Variants in DDX4 observed in about 807,000 individuals in gnomAD.
The protein encoded by DDX4 is probable ATP-dependent RNA helicase DDX4.
DDX4 carries 25 observed loss-of-function variants against 100.0 expected under a neutral mutation model. That is an observed-to-expected ratio of 0.25 (90% CI 0.18 to 0.35). The LOEUF is 0.35. Among genes scored for constraint, DDX4 ranks in the 10% least tolerant of loss-of-function variants. The pLI is 1.00. For synonymous variants in DDX4, 259 were observed against 275.7 expected (o/e 0.94, Z 0.60); for missense variants, 635 against 882.4 (o/e 0.72, Z 3.55).
chr5:55,806,013 G>A (rs1031100545), intron 18 of DDX4, among the ~76,000 whole-genome samples: 9 of 152,102 alleles, frequency 5.9e-5, no homozygotes, highest in African/African-American at 1.4e-4. Context: ...CCTGTTATTC[G>A]TCTATTCAGA....
chr5:55,754,091 C>CT (rs1304560823), intron 3 of DDX4, among the ~76,000 whole-genome samples: 1 of 147,052 alleles, frequency 6.8e-6, no homozygotes, highest in Non-Finnish European at 1.5e-5. Context: ...ATGGGGTTTT[C>CT]TAGATATACA....
intron 3 of DDX4, among the ~76,000 whole-genome samples, chr5:55,752,349 A>T (rs1759619035): frequency 8.9e-6 from 1 of 112,308 alleles, no homozygotes; most frequent in Non-Finnish European, 1.8e-5. Context: ...CCACCCCACA[A>T]CAGTCCCCAG....
chr5:55,783,633 A>AGATGGATGGATGGATGGATG (rs59794903), intron 10 of DDX4, among the ~76,000 whole-genome samples: 5 of 146,756 alleles, frequency 3.4e-5, no homozygotes, highest in African/African-American at 1.3e-4. Context: ...AGGAGGGAGG[A>AGATGGATGGATGGATGGATG]GATGGATGGA....
At chr5:55,784,263 T>C (rs559553229) in intron 10 of DDX4, among the ~76,000 whole-genome samples, 1 of 152,270 alleles carries the variant, frequency 6.6e-6, no homozygotes, top group African/African-American at 2.4e-5. Context: ...CCTGGAGTTC[T>C]GATGTCCAAG....
intron 13 of DDX4, 76 bp from the exon 14 acceptor site, chr5:55,786,442 C>A: frequency 8.4e-7 from 1 of 1,190,550 alleles, no homozygotes; most frequent in South Asian, 1.7e-5. Flanking sequence ...TGGAAAGTAG[C>A]TCGAATGAAA....
intron 3 of DDX4, among the ~76,000 whole-genome samples, chr5:55,758,980 C>T (rs1476523906): frequency 2.0e-5 from 3 of 149,820 alleles, no homozygotes; most frequent in Admixed American, 2.0e-4. Context: ...CCTTGAATTC[C>T]TGGGCTCAAG....
intron 3 of DDX4, among the ~76,000 whole-genome samples, chr5:55,748,730 TAAAA>T (rs200291665): frequency 6.6e-6 from 1 of 151,672 alleles, no homozygotes; most frequent in Non-Finnish European, 1.5e-5. Context: ...CTTATTGTTT[TAAAA>T]AAAAGGAAAA....
intron 13 of DDX4, 119 bp from the exon 14 acceptor site, chr5:55,786,399 C>G: frequency 2.1e-5 from 14 of 662,132 alleles, no homozygotes; most frequent in Non-Finnish European, 3.5e-5. Context: ...TTACTAAAGT[C>G]ACTTTAGTAT....
chr5:55,780,314 C>A (rs1224489319), intron 8 of DDX4, among the ~76,000 whole-genome samples: 1 of 152,076 alleles, frequency 6.6e-6, no homozygotes, highest in Admixed American at 6.5e-5. Flanking sequence ...ATATTACATA[C>A]TGTTCATTGT....
At chr5:55,814,674 T>C (rs550438778) in intron 19 of DDX4, among the ~76,000 whole-genome samples, 3 of 152,278 alleles carry the variant, frequency 2.0e-5, no homozygotes, top group African/African-American at 7.2e-5. Flanking sequence ...GTATCTTTAA[T>C]AGAGATGGTG....
At chr5:55,799,375 T>C (rs1461352849) in intron 18 of DDX4, among the ~76,000 whole-genome samples, 1 of 152,132 alleles carries the variant, frequency 6.6e-6, no homozygotes, top group African/African-American at 2.4e-5. Context: ...ATTTTACTTT[T>C]TATTATTTTT....
chr5:55,742,193 A>G (rs541998911), intron 2 of DDX4: 6 of 456,294 alleles, frequency 1.3e-5, no homozygotes, highest in South Asian at 9.3e-5. Context: ...AATCTCAACC[A>G]TTAGGCATTT....
chr5:55,767,064 A>G (rs1048975435), intron 6 of DDX4: 25 of 1,417,300 alleles, frequency 1.8e-5, no homozygotes, highest in Middle Eastern at 3.6e-4. Flanking sequence ...AGAAGCTAGG[A>G]TATCCCCAAA....
At chr5:55,770,427 A>T (rs1741187877) in intron 7 of DDX4, among the ~76,000 whole-genome samples, 1 of 152,188 alleles carries the variant, frequency 6.6e-6, no homozygotes, top group African/African-American at 2.4e-5. Context: ...ATTTGAGATG[A>T]GATTGTATCA....
At position 55,816,834 on chromosome 5, in the gene DDX4, C is replaced by G; in HGVS notation, c.*294C>G. 1 of 309,438 alleles carries G rather than the reference C, an allele frequency of 3.2e-6. No individual in the cohort carries two copies. Among genetic ancestry groups the G allele is most frequent in the South Asian group, 8.4e-5 (1 of 11,896 alleles). The allele number at this position is 309,438 out of a possible 1,614,324, so 19.2% of individuals were successfully genotyped here. Reference sequence around the variant, plus strand: ...TTAGACATGTTTAATGTTTAAATGCCAAGTCTTACTATAGTGTTTATTGAT... The same window carrying G: ...TTAGACATGTTTAATGTTTAAATGCGAAGTCTTACTATAGTGTTTATTGAT... On this transcript the variant is annotated 3_prime_UTR_variant, in exon 22 of 22. Coordinates refer to ENST00000505374, the MANE Select transcript of DDX4 (RefSeq NM_024415.3).
intron 17 of DDX4, among the ~76,000 whole-genome samples, chr5:55,795,346 C>T (rs543557943): frequency 2.0e-4 from 30 of 152,288 alleles, no homozygotes; most frequent in Non-Finnish European, 2.9e-4. Flanking sequence ...CAAAATAGAA[C>T]GTAATTTTTC....
At chr5:55,790,823 C>G in intron 16 of DDX4, 118 bp downstream of exon 16, 1 of 838,318 alleles carries the variant, frequency 1.2e-6, no homozygotes, top group Non-Finnish European at 1.9e-6. Context: ...GTGTTAGCCT[C>G]CATCACATTC....
At chr5:55,754,720 A>G (rs1327123398) in intron 3 of DDX4, among the ~76,000 whole-genome samples, 29 of 149,688 alleles carry the variant, frequency 1.9e-4, no homozygotes, top group Admixed American at 4.0e-4. Flanking sequence ...CTCTTTTTCT[A>G]TTGATTGGAA....
At chr5:55,739,843 T>A (rs1758880102) in intron 2 of DDX4, among the ~76,000 whole-genome samples, 1 of 152,190 alleles carries the variant, frequency 6.6e-6, no homozygotes, top group African/African-American at 2.4e-5. Context: ...AATACTAATA[T>A]AAATTTATCA....
Sources: gnomAD v4.1 joint callset for allele counts (sites outside exome capture counted in the v4.1 genomes callset) on GRCh38, gnomAD v4.1.1 for gene constraint, MANE v1.5 for transcripts, NCBI Gene and HGNC (gene_info 2026-07-23, HGNC 2026-07-21) for gene names.